Variants in KLHL29 observed in about 807,000 individuals in gnomAD.
KLHL29 encodes the protein kelch like family member 29.
A neutral mutation model predicts 80.4 loss-of-function variants in KLHL29; 21 were observed. The observed-to-expected ratio is 0.26, with a 90% CI of 0.19 to 0.38. KLHL29 has a LOEUF of 0.38. Among genes scored for constraint, KLHL29 ranks in the 10% least tolerant of loss-of-function variants. The pLI, the probability that KLHL29 is intolerant of heterozygous loss-of-function variation, is 1.00. For missense variants in KLHL29, 867 were observed against 1,223.9 expected, an observed-to-expected ratio of 0.71 and a Z score of 4.35; for synonymous variants, 511 against 526.8, an observed-to-expected ratio of 0.97 and a Z score of 0.41.
In KLHL29 at chr2:23,441,712, G is replaced by A. The variant is rs558059967; in HGVS notation, c.-153-33848G>A. Among the ~76,000 whole-genome samples, 205 of 152,294 alleles carry A rather than the reference G, an allele frequency of 1.3e-3. 2 individuals carry two copies. The highest frequency in any genetic ancestry group is 2.4e-3 in the Non-Finnish European group (165 of 68,022). On this transcript the variant is annotated intron_variant, in intron 1 of 13. Coordinates refer to ENST00000486442, the MANE Select transcript of KLHL29 (RefSeq NM_052920.2). ...AAAGTTGGAGCTGGCTGTTGACTGG[G>A]AACTCAACTGCTGCTGTTGACCACA...
intron 2 of KLHL29, among the ~76,000 whole-genome samples, chr2:23,549,101 G>A (rs1396824203): frequency 1.3e-5 from 2 of 152,160 alleles, no homozygotes; most frequent in Non-Finnish European, 2.9e-5. Flanking sequence ...TCCCCGCCTT[G>A]GGCCCTGGAG....
At chr2:23,607,525 T>A (rs1204029308) in intron 3 of KLHL29, among the ~76,000 whole-genome samples, 1 of 152,214 alleles carries the variant, frequency 6.6e-6, no homozygotes, top group Non-Finnish European at 1.5e-5. Context: ...AGTCATACCC[T>A]ATCTTATACA....
At chr2:23,602,000 G>A (rs1668583323) in intron 3 of KLHL29, among the ~76,000 whole-genome samples, 1 of 152,188 alleles carries the variant, frequency 6.6e-6, no homozygotes, top group South Asian at 2.1e-4. Flanking sequence ...CGGGGGCTGA[G>A]GCAGGGCAGA....
intron 5 of KLHL29, among the ~76,000 whole-genome samples, chr2:23,662,604 C>CCCTTACCA (rs1670442802): frequency 6.6e-6 from 1 of 152,184 alleles, no homozygotes; most frequent in South Asian, 2.1e-4. Flanking sequence ...GCAAGAGGCC[C>CCCTTACCA]CCTTACCACC....
chr2:23,400,742 G>A (rs985914975), intron 1 of KLHL29, among the ~76,000 whole-genome samples: 1 of 152,136 alleles, frequency 6.6e-6, no homozygotes, highest in African/African-American at 2.4e-5. Flanking sequence ...TGGGAGGCAG[G>A]GGCAGAAGGA....
chr2:23,445,778 G>T (rs1228671430), intron 1 of KLHL29, among the ~76,000 whole-genome samples: 1 of 152,174 alleles, frequency 6.6e-6, no homozygotes, highest in East Asian at 1.9e-4. Context: ...CAAACTTAAG[G>T]CTCTTTGCCA....
intron 3 of KLHL29, among the ~76,000 whole-genome samples, chr2:23,615,848 C>T (rs937701832): frequency 6.6e-6 from 1 of 152,188 alleles, no homozygotes; most frequent in African/African-American, 2.4e-5. Flanking sequence ...ACGTCAGCGT[C>T]GCTGTTCCTT....
At chr2:23,440,314 T>C (rs1242572855) in intron 1 of KLHL29, among the ~76,000 whole-genome samples, 1 of 151,754 alleles carries the variant, frequency 6.6e-6, no homozygotes. Flanking sequence ...TTACACCTTA[T>C]ACAAAAATTA....
At chr2:23,482,102 A>G (rs912860807) in intron 2 of KLHL29, among the ~76,000 whole-genome samples, 2 of 152,144 alleles carry the variant, frequency 1.3e-5, no homozygotes, top group South Asian at 2.1e-4. Flanking sequence ...GAGATTGTCA[A>G]CAAAAGGCTG....
chr2:23,602,759 A>AT (rs1201955377), intron 3 of KLHL29, among the ~76,000 whole-genome samples: 2 of 151,814 alleles, frequency 1.3e-5, no homozygotes, highest in African/African-American at 4.8e-5. Context: ...CGACCTCTAC[A>AT]TGGGAATATT....
chr2:23,592,271 G>A (rs928692750), intron 3 of KLHL29, among the ~76,000 whole-genome samples: 11 of 152,254 alleles, frequency 7.2e-5, no homozygotes, highest in African/African-American at 2.6e-4. Context: ...CGGCTCCAGG[G>A]CCCCATTAGT....
intron 2 of KLHL29, among the ~76,000 whole-genome samples, chr2:23,526,872 G>GT (rs1281942890): frequency 2.0e-5 from 3 of 151,974 alleles, no homozygotes. Context: ...GTCTGGGTGG[G>GT]TTTTTTTTGT....
chr2:23,560,900 T>TA (rs1392355842), intron 2 of KLHL29, among the ~76,000 whole-genome samples: 10 of 152,306 alleles, frequency 6.6e-5, no homozygotes, highest in African/African-American at 2.4e-4. Context: ...GCTTTATAGA[T>TA]AGATATTTTT....
intron 1 of KLHL29, among the ~76,000 whole-genome samples, chr2:23,472,919 A>G (rs1422807105): frequency 1.3e-5 from 2 of 152,190 alleles, no homozygotes; most frequent in East Asian, 3.8e-4. Context: ...GACATATTCA[A>G]ATGTGTAATT....
rs1671075948 is a variant in KLHL29 at position 23,681,230 on chromosome 2, G to A, written c.941-3169G>A. Among the ~76,000 whole-genome samples, 1 of 152,218 alleles carries A rather than the reference G, an allele frequency of 6.6e-6. No individual in the cohort carries two copies. The highest frequency in any genetic ancestry group is 2.4e-5 in the African/African-American group (1 of 41,456). On this transcript the variant is annotated intron_variant, in intron 5 of 13. Coordinates refer to ENST00000486442, the MANE Select transcript of KLHL29 (RefSeq NM_052920.2). This position sits in a 1 kb window ranked among gnomAD's most constrained non-coding sequence, Gnocchi z 4.2. ...ACTTGGGGCCTGCTGGGAATCCCCT[G>A]GTGAGCACTTTCATAAATTGAAAAA...
At position 23,562,023 on chromosome 2, in the gene KLHL29, C is replaced by A. The variant is rs534814550; in HGVS notation, c.-45-129C>A. The A allele has an allele frequency of 1.3e-5, 9 of 668,580 alleles. No homozygotes were observed. In the East Asian group the frequency reaches 2.2e-4, roughly 16 times the overall value. 41.4% of individuals were successfully genotyped at this position (668,580 alleles called of 1,614,324 possible). ...TAATGATCCATGCTTTGTGGGCTAG[C>A]GTGACTCTGAAATGAGCTAATGTTT... On this transcript the variant is annotated intron_variant, in intron 2 of 13. Transcript: ENST00000486442. The surrounding 1 kb of genome is among the most constrained non-coding windows in gnomAD (Gnocchi z 4.5).
intron 3 of KLHL29, among the ~76,000 whole-genome samples, chr2:23,607,340 C>T (rs1668753377): frequency 6.6e-6 from 1 of 152,140 alleles, no homozygotes; most frequent in South Asian, 2.1e-4. Flanking sequence ...GTCACTCTGA[C>T]CCCAGAGAAG....
At chr2:23,474,776 C>T (rs984360013) in intron 1 of KLHL29, among the ~76,000 whole-genome samples, 4 of 151,906 alleles carry the variant, frequency 2.6e-5, no homozygotes, top group African/African-American at 7.3e-5. Flanking sequence ...CCCTGCTACC[C>T]GGGACTCTGG....
chr2:23,696,969 C>T lies in KLHL29; in HGVS notation c.2105+456C>T, dbSNP rs1392467759. The T allele has an allele frequency of 3.1e-5, 5 of 161,418 alleles. No homozygotes were observed. Among genetic ancestry groups the T allele is most frequent in the Admixed American group, 1.7e-4 (3 of 17,432 alleles). The allele number at this position is 161,418 out of a possible 1,614,324, so 10.0% of individuals were successfully genotyped here. A position where few individuals can be genotyped will look rare whatever the true frequency, so the allele number is the denominator to read the frequency against. On this transcript the variant is annotated intron_variant, in intron 11 of 13. Transcript: ENST00000486442. This position sits in a 1 kb window ranked among gnomAD's most constrained non-coding sequence, Gnocchi z 5.5. ...GGCGGTGCCTCCTTGTCCTGCCAAGCGGGGGGTCCCACACCAGGGAGCTCC... is the reference window on the plus strand; with the variant it reads ...GGCGGTGCCTCCTTGTCCTGCCAAGTGGGGGGTCCCACACCAGGGAGCTCC...
Sources: allele counts gnomAD v4.1 joint callset (sites outside exome capture counted in the v4.1 genomes callset), GRCh38; gene constraint gnomAD v4.1.1; non-coding constraint Gnocchi (gnomAD v3.1); transcripts MANE v1.5; gene names NCBI Gene and HGNC (gene_info 2026-07-23, HGNC 2026-07-21).